ARHGAP21: variants seen among roughly 807,000 people sequenced by gnomAD.
ARHGAP21 encodes the protein rho GTPase-activating protein 21.
A neutral mutation model predicts 164.6 loss-of-function variants in ARHGAP21; 38 were observed. The ratio of observed to expected loss-of-function variants is 0.23; its 90% confidence interval spans 0.18 to 0.30. The LOEUF (loss-of-function observed/expected upper bound fraction) is 0.30. Among genes scored for constraint, ARHGAP21 ranks in the 10% least tolerant of loss-of-function variants. ARHGAP21 has a pLI of 1.00. For synonymous variants in ARHGAP21, 766 were observed against 857.9 expected, an observed-to-expected ratio of 0.89 and a Z score of 1.87; for missense variants, 1,822 against 2,370.7, an observed-to-expected ratio of 0.77 and a Z score of 4.81.
At chr10:24,629,946 C>T (rs574935056) in intron 7 of ARHGAP21, 50 bp downstream of exon 7, 47 of 1,289,520 alleles carry the variant, frequency 3.6e-5, no homozygotes, top group Non-Finnish European at 3.9e-5. Flanking sequence ...AAATATTTTC[C>T]GAACATTCAT....
At chr10:24,660,386 TAAAAAA>T (rs56053080) in intron 4 of ARHGAP21, among the ~76,000 whole-genome samples, 718 of 60,104 alleles carry the variant, frequency 0.012, 19 homozygotes, top group African/African-American at 0.041. Flanking sequence ...CTCTCTCTCT[TAAAAAA>T]AAAAAAAAAA....
At chr10:24,682,924 G>A (rs1156970388) in intron 2 of ARHGAP21, among the ~76,000 whole-genome samples, 1 of 151,576 alleles carries the variant, frequency 6.6e-6, no homozygotes, top group Non-Finnish European at 1.5e-5. Context: ...TGAAACCCCC[G>A]TCTCCACTAA....
intron 4 of ARHGAP21, among the ~76,000 whole-genome samples, chr10:24,639,096 T>C (rs1172895271): frequency 6.6e-6 from 1 of 152,148 alleles, no homozygotes; most frequent in Admixed American, 6.5e-5. Context: ...TTCTCTATAT[T>C]CATTATAATG....
intron 2 of ARHGAP21, among the ~76,000 whole-genome samples, chr10:24,705,497 C>T (rs1844140011): frequency 6.6e-6 from 1 of 152,072 alleles, no homozygotes; most frequent in Admixed American, 6.6e-5. Context: ...ATAGAGAAAA[C>T]AGTACATAAA....
At chr10:24,677,383 T>A (rs144551526) in intron 2 of ARHGAP21, among the ~76,000 whole-genome samples, 3 of 152,288 alleles carry the variant, frequency 2.0e-5, no homozygotes, top group Admixed American at 2.0e-4. Flanking sequence ...TAATGGAGCA[T>A]TGGAAAAAAC....
At chr10:24,651,842 A>G (rs796805796) in intron 4 of ARHGAP21, among the ~76,000 whole-genome samples, 3 of 152,370 alleles carry the variant, frequency 2.0e-5, no homozygotes, top group African/African-American at 7.2e-5. Context: ...TAAACAATAT[A>G]AAACAAATCA....
chr10:24,696,814 A>T (rs1045588643), intron 2 of ARHGAP21, among the ~76,000 whole-genome samples: 3 of 152,210 alleles, frequency 2.0e-5, no homozygotes, highest in African/African-American at 2.4e-5. Context: ...AAAACCAACC[A>T]GCTAACAGCG....
At chr10:24,639,928 A>AAC (rs397818698) in intron 4 of ARHGAP21, among the ~76,000 whole-genome samples, 1 of 151,680 alleles carries the variant, frequency 6.6e-6, no homozygotes, top group Non-Finnish European at 1.5e-5. Flanking sequence ...ACAAAAAAAA[A>AAC]CCACACTAAA....
chr10:24,654,158 A>G (rs536825345), intron 4 of ARHGAP21, among the ~76,000 whole-genome samples: 1 of 152,310 alleles, frequency 6.6e-6, no homozygotes, highest in South Asian at 2.1e-4. Flanking sequence ...TGACAAACCC[A>G]CAGCCAATAT....
intron 9 of ARHGAP21, among the ~76,000 whole-genome samples, chr10:24,615,757 G>C (rs1833877649): frequency 7.0e-6 from 1 of 142,278 alleles, no homozygotes; most frequent in Non-Finnish European, 1.6e-5. Flanking sequence ...CACGGCATAA[G>C]TTTTTGTTAT....
chr10:24,637,907 C>T (rs950839999), intron 4 of ARHGAP21, among the ~76,000 whole-genome samples: 13 of 151,224 alleles, frequency 8.6e-5, no homozygotes, highest in African/African-American at 2.9e-4. Context: ...CACTGTTGCC[C>T]GGGCTGGAGT....
At chr10:24,622,949 T>C (rs544098096) in intron 7 of ARHGAP21, 187 bp from the exon 8 acceptor site, 2 of 527,394 alleles carry the variant, frequency 3.8e-6, no homozygotes, top group South Asian at 6.0e-5. Context: ...AACATCTTTT[T>C]CTCAGGCTTT....
chr10:24,667,516 A>G (rs901872570), intron 3 of ARHGAP21, among the ~76,000 whole-genome samples: 2 of 152,186 alleles, frequency 1.3e-5, no homozygotes, highest in African/African-American at 4.8e-5. Context: ...TTCAATTTTG[A>G]AGTTTATCTA....
intron 9 of ARHGAP21, among the ~76,000 whole-genome samples, chr10:24,615,656 T>G (rs1036107609): frequency 6.6e-6 from 1 of 152,206 alleles, no homozygotes; most frequent in Non-Finnish European, 1.5e-5. Context: ...ACTTTCCTTA[T>G]CCATAAAACG....
chr10:24,671,618 C>A (rs1219859046), intron 2 of ARHGAP21, among the ~76,000 whole-genome samples: 2 of 152,116 alleles, frequency 1.3e-5, no homozygotes, highest in Non-Finnish European at 2.9e-5. Flanking sequence ...AGATACAGGT[C>A]CAACAATTCT....
chr10:24,649,242 T>C (rs938695670), intron 4 of ARHGAP21, among the ~76,000 whole-genome samples: 1 of 152,202 alleles, frequency 6.6e-6, no homozygotes, highest in African/African-American at 2.4e-5. Flanking sequence ...ATCTGAACCA[T>C]AGTGTATATA....
chr10:24,655,987 C>A (rs1373968362), intron 4 of ARHGAP21, among the ~76,000 whole-genome samples: 1 of 135,874 alleles, frequency 7.4e-6, no homozygotes, highest in African/African-American at 2.9e-5. Context: ...GCAACCACCC[C>A]GTCTGAGAAG....
At chr10:24,597,075 TTTTC>T (rs10538374) in intron 16 of ARHGAP21, among the ~76,000 whole-genome samples, 193 bp from the exon 17 acceptor site, 74,272 of 150,328 alleles carry the variant, frequency 0.49, 18,483 homozygotes, top group Middle Eastern at 0.57. Flanking sequence ...CGTGCTATAA[TTTTC>T]TTTAAAACAG....
intron 4 of ARHGAP21, among the ~76,000 whole-genome samples, chr10:24,655,576 A>G (rs1459951805): frequency 6.6e-6 from 1 of 151,556 alleles, no homozygotes; most frequent in East Asian, 2.0e-4. Flanking sequence ...GAGGGCAAGG[A>G]GCAGCCGCCT....
Sources: allele counts gnomAD v4.1 joint callset (sites outside exome capture counted in the v4.1 genomes callset), GRCh38; gene constraint gnomAD v4.1.1; transcripts MANE v1.5; gene names NCBI Gene and HGNC (gene_info 2026-07-23, HGNC 2026-07-21).